NRK: variants seen among roughly 807,000 people sequenced by gnomAD.
NRK encodes the protein Nik related kinase, also known as nik-related protein kinase.
NRK carries 67 observed loss-of-function variants against 125.2 expected under a neutral mutation model. That is an observed-to-expected ratio of 0.54 (90% CI 0.44 to 0.66). The LOEUF (loss-of-function observed/expected upper bound fraction) is 0.66. Among genes scored for constraint, NRK ranks in the 30% least tolerant of loss-of-function variants. The probability of loss-of-function intolerance (pLI) is 0.00; values close to 1 mark genes in which losing one functional copy is unlikely to be tolerated. For synonymous variants in NRK, 458 were observed against 429.0 expected (o/e 1.07, Z -0.84); for missense variants, 1,224 against 1,192.9 (o/e 1.03, Z -0.38).
chrX:105,934,544 C>G (rs2040636638), intron 20 of NRK, 100 bp downstream of exon 20: 2 of 489,742 alleles, frequency 4.1e-6, no homozygotes, highest in South Asian at 9.1e-5. Context: ...AAATTATTCT[C>G]ACATTCACTT....
At chrX:105,826,277 TATGAAATATATATTATCATATATATA>T (rs2039102914) in intron 1 of NRK, among the ~76,000 whole-genome samples, 1 of 66,699 alleles carries the variant, frequency 1.5e-5, no homozygotes, top group Non-Finnish European at 2.4e-5. Flanking sequence ...ATATAATATA[TATGAAATATATATTATCATATATATA>T]ATAGATAATA....
chrX:105,940,714 A>C (rs2040728189), intron 23 of NRK, among the ~76,000 whole-genome samples: 1 of 111,857 alleles, frequency 8.9e-6, no homozygotes, highest in East Asian at 2.8e-4. Context: ...ACCGTGAGCT[A>C]ATGTCATCCC....
chrX:105,822,826 C>G lies in NRK; in HGVS notation c.-20C>G, dbSNP rs1345851015. The G allele has an allele frequency of 1.4e-5, 16 of 1,165,854 alleles. No individual in the cohort carries two copies. The highest frequency in any genetic ancestry group is 1.8e-5 in the Non-Finnish European group (16 of 871,239). ...GCGCACCCAATTCAGTCGCCCGCTC[C>G]CGTTCGGCTCCTCGAAGCCATGGCG... On this transcript the variant is annotated 5_prime_UTR_variant, in exon 1 of 29. Coordinates refer to ENST00000243300, the MANE Select transcript of NRK (RefSeq NM_198465.4).
In NRK at chrX:105,843,977, CTGTGTG is replaced by C. The variant is rs751188822; in HGVS notation, c.123+12894_123+12899del. Among the ~76,000 whole-genome samples the C allele has an allele frequency of 4.2e-3, 363 of 87,373 alleles. 2 individuals carry two copies. The highest frequency in any genetic ancestry group is 0.013 in the African/African-American group (284 of 22,182). The allele number at this position is 87,373 out of a possible 115,157, so 75.9% of individuals were successfully genotyped here. A position where few individuals can be genotyped will look rare whatever the true frequency, so the allele number is the denominator to read the frequency against. On this transcript the variant is annotated intron_variant, in intron 2 of 28. Transcript: ENST00000243300. Reference sequence around the variant, plus strand: ...ATGTTTATTTTGCAGGTCCTGCACTCTGTGTGTGTGTGTGTGTGTGTGTGTGTGTGT... The same window carrying C: ...ATGTTTATTTTGCAGGTCCTGCACTCTGTGTGTGTGTGTGTGTGTGTGTGT...
chrX:105,953,368 G>T (rs891764390), intron 28 of NRK, among the ~76,000 whole-genome samples, 195 bp downstream of exon 28: 29 of 111,694 alleles, frequency 2.6e-4, no homozygotes, highest in African/African-American at 8.4e-4. Flanking sequence ...ATGAAATTTG[G>T]TTTCAAAAGA....
At position 105,888,321 on chromosome X, in the gene NRK, C is replaced by T. The variant is rs1396835584; in HGVS notation, c.280C>T (p.Leu94Phe). ...TGAGGAAGAGGATCTCAGGACTGAA[C>T]TCAACCTTCTGAGGAAGTACTCTTT... ...SDEEEDLRTELNLLRKYSFHK... is the reference protein window; with the variant it reads ...SDEEEDLRTEFNLLRKYSFHK... The change falls in exon 5 of 29, where the codon CTC (leucine) becomes TTC (phenylalanine). Residue 94 changes from leucine to phenylalanine, a missense_variant. Coordinates refer to ENST00000243300, the MANE Select transcript of NRK (RefSeq NM_198465.4). 8.4e-7 allele frequency: 1 copy of T among 1,193,416 alleles called. No individual in the cohort carries two copies.
intron 2 of NRK, among the ~76,000 whole-genome samples, chrX:105,835,268 C>G (rs1308935260): frequency 1.8e-5 from 2 of 111,462 alleles, no homozygotes; most frequent in African/African-American, 6.5e-5. Context: ...TCAGATTCCT[C>G]TAATACCTTG....
At chrX:105,936,420 T>C (rs1185420543) in intron 21 of NRK, among the ~76,000 whole-genome samples, 2 of 111,986 alleles carry the variant, frequency 1.8e-5, no homozygotes, top group Non-Finnish European at 3.8e-5. Flanking sequence ...TAAAAGATTA[T>C]AGTAAAAATT....
intron 13 of NRK, 38 bp downstream of exon 13, chrX:105,909,920 G>A (rs1278728895): frequency 2.8e-6 from 3 of 1,061,753 alleles, no homozygotes; most frequent in Non-Finnish European, 3.7e-6. Context: ...AGTCAAAAAT[G>A]AAGAGAAAAT....
intron 14 of NRK, among the ~76,000 whole-genome samples, chrX:105,914,151 C>T (rs2040335810): frequency 9.0e-6 from 1 of 110,613 alleles, no homozygotes; most frequent in African/African-American, 3.3e-5. Context: ...TCCTAATCAG[C>T]ACAAGATGTT....
At position 105,872,722 on chromosome X, in the gene NRK, T is replaced by C. The variant is rs184864861; in HGVS notation, c.124-7477T>C. 2.0e-3 allele frequency among the ~76,000 whole-genome samples: 222 copies of C among 111,434 alleles called. 3 individuals are homozygous for C. Among genetic ancestry groups the C allele is most frequent in the African/African-American group, 7.0e-3 (216 of 30,726 alleles). ...CTTTCAAATACTAACCAAATCACCA[T>C]TACTTCCCATCTCAAGCACTGGTGA... On this transcript the variant is annotated intron_variant, in intron 2 of 28. Transcript: ENST00000243300.
At chrX:105,925,456 AAT>A (rs1342557970) in intron 19 of NRK, among the ~76,000 whole-genome samples, 2 of 111,264 alleles carry the variant, frequency 1.8e-5, no homozygotes, top group Non-Finnish European at 3.8e-5. Flanking sequence ...TGTTGGGAAC[AAT>A]CAATATCCTC....
chrX:105,940,125 G>T, intron 23 of NRK, 93 bp downstream of exon 23: 1 of 678,071 alleles, frequency 1.5e-6, no homozygotes, highest in Non-Finnish European at 2.2e-6. Flanking sequence ...GCAGAGAAAG[G>T]AAACAATTTG....
intron 2 of NRK, among the ~76,000 whole-genome samples, chrX:105,871,485 AACACAC>A (rs112464085): frequency 1.9e-5 from 2 of 104,674 alleles, no homozygotes; most frequent in Non-Finnish European, 3.9e-5. Flanking sequence ...ACACCCCACC[AACACAC>A]ACACACACAC....
intron 2 of NRK, among the ~76,000 whole-genome samples, chrX:105,871,712 G>A (rs2039750457): frequency 9.0e-6 from 1 of 111,508 alleles, no homozygotes; most frequent in Admixed American, 9.5e-5. Flanking sequence ...AGGAACTTAA[G>A]ATGGCTCAGG....
At chrX:105,927,769 A>T (rs1256738108) in intron 19 of NRK, among the ~76,000 whole-genome samples, 3 of 111,072 alleles carry the variant, frequency 2.7e-5, no homozygotes, top group Admixed American at 9.6e-5. Context: ...CATTGATGTG[A>T]TGTATCATGT....
intron 1 of NRK, 94 bp from the exon 2 acceptor site, chrX:105,830,960 C>T: frequency 1.8e-6 from 1 of 543,608 alleles, no homozygotes; most frequent in South Asian, 2.7e-5. Flanking sequence ...CACATGTACC[C>T]TAGAACTTAA....
chrX:105,823,502 C>T (rs1275387410), intron 1 of NRK, among the ~76,000 whole-genome samples: 1 of 110,472 alleles, frequency 9.1e-6, no homozygotes, highest in African/African-American at 3.3e-5. Context: ...AAGAACTCGA[C>T]GCCTTTTGGG....
chrX:105,865,746 T>C (rs1487990408), intron 2 of NRK, among the ~76,000 whole-genome samples: 1 of 111,576 alleles, frequency 9.0e-6, no homozygotes. Flanking sequence ...GCCTCTAGCT[T>C]GATTTCTGTA....
Sources: gnomAD v4.1 joint callset for allele counts (sites outside exome capture counted in the v4.1 genomes callset) on GRCh38, gnomAD v4.1.1 for gene constraint, MANE v1.5 for transcripts, NCBI Gene and HGNC (gene_info 2026-07-23, HGNC 2026-07-21) for gene names.